DNAH2: variants seen among roughly 807,000 people sequenced by gnomAD.
The protein encoded by DNAH2 is axonemal beta dynein heavy chain 2.
Under a neutral mutation model 523.5 loss-of-function variants are expected in DNAH2, and 323 were observed. That is an observed-to-expected ratio of 0.62 (90% CI 0.56 to 0.68). DNAH2 has a LOEUF of 0.68. DNAH2 is among the 30% of genes least tolerant of loss of function. The pLI is 0.00. For synonymous variants in DNAH2, 2,093 were observed against 2,177.4 expected (o/e 0.96, Z 1.08); for missense variants, 4,907 against 5,701.5 (o/e 0.86, Z 4.49).
intron 28 of DNAH2, among the ~76,000 whole-genome samples, chr17:7,772,847 C>G (rs2076354976): frequency 6.6e-6 from 1 of 152,190 alleles, no homozygotes; most frequent in Non-Finnish European, 1.5e-5. Flanking sequence ...GATCTAAGGT[C>G]ACCACAACCT....
chr17:7,797,361 T>G, intron 51 of DNAH2, 39 bp from the exon 52 acceptor site: 1 of 1,613,846 alleles, frequency 6.2e-7, no homozygotes, highest in Non-Finnish European at 8.5e-7. Context: ...GCCATTCTCC[T>G]CTTTATTCCC....
chr17:7,807,187 T>C lies in DNAH2; in HGVS notation c.9480T>C (p.Asp3160=). 6.2e-7 allele frequency: 1 copy of C among 1,611,364 alleles called. No individual in the cohort carries two copies. Among genetic ancestry groups the C allele is most frequent in the Non-Finnish European group, 8.5e-7 (1 of 1,180,008 alleles). The change falls in exon 62 of 86, where the codon GAT becomes GAC. Residue 3160 remains aspartate (D), a synonymous_variant. Transcript: ENST00000572933. This position sits in a 1 kb window ranked among gnomAD's most constrained non-coding sequence, Gnocchi z 5.6. The part of the protein sequence containing the change: ...QNFIKSLINF[D]KDNISDKVLK... ...TCATCAAGTCACTGATCAACTTTGA[T>C]AAAGACAATATCTCAGATAAGGTTC...
chr17:7,827,455 G>A (rs1354509283), intron 77 of DNAH2, among the ~76,000 whole-genome samples: 2 of 151,988 alleles, frequency 1.3e-5, no homozygotes, highest in Non-Finnish European at 2.9e-5. Flanking sequence ...GTTTTGTTTT[G>A]CTTTTTTTGA....
At position 7,734,284 on chromosome 17, in the gene DNAH2, C is replaced by T. The variant is rs370337265; in HGVS notation, c.730C>T (p.Arg244Trp). 2.4e-5 allele frequency: 39 copies of T among 1,607,056 alleles called. No homozygotes were observed. In the African/African-American group the frequency reaches 2.5e-4, roughly 10 times the overall value. ...GATAAAGGACAAAGAGCTGGTGCAA[C>T]GGCTAGAGAGTGAGTGGCTGGCACT... ...MVIKDKELVQ[R>W]LETSMIHWTR... Residue 244 changes from arginine (R) to tryptophan (W), a missense_variant, in exon 6 of 86, where the codon CGG (arginine) becomes TGG (tryptophan). Physicochemically the swap from Arg to Trp is moderately radical, Grantham distance 101. Around this residue, in one of 3 missense-constraint regions of DNAH2, gnomAD observed 2,806 missense variants for 3,190.8 expected, o/e 0.88. Coordinates refer to ENST00000572933, the MANE Select transcript of DNAH2 (RefSeq NM_020877.5).
At chr17:7,829,812 G>T (rs1237916232) in intron 77 of DNAH2, among the ~76,000 whole-genome samples, 1 of 151,686 alleles carries the variant, frequency 6.6e-6, no homozygotes, top group Non-Finnish European at 1.5e-5. Flanking sequence ...ATTGCTTGAG[G>T]TCACGAGTTT....
At chr17:7,740,703 C>T in intron 10 of DNAH2, 107 bp from the exon 11 acceptor site, 3 of 1,532,800 alleles carry the variant, frequency 2.0e-6, no homozygotes, top group Non-Finnish European at 2.6e-6. Flanking sequence ...TTCGGCGTCC[C>T]CGGGAGTGTG....
intron 63 of DNAH2, among the ~76,000 whole-genome samples, chr17:7,812,040 CA>C (rs1036129214): frequency 6.6e-6 from 1 of 152,134 alleles, no homozygotes; most frequent in African/African-American, 2.4e-5. Context: ...TTACCATTGC[CA>C]AAGACCGTAG....
At chr17:7,740,669 CTT>C (rs2075286216) in intron 10 of DNAH2, 120 bp downstream of exon 10, 2 of 1,538,364 alleles carry the variant, frequency 1.3e-6, no homozygotes, top group Non-Finnish European at 1.7e-6. Context: ...TCGGGCGCCT[CTT>C]GTCTTTCTTC....
chr17:7,751,920 G>GGGGTGTGT (rs111751776), intron 12 of DNAH2, among the ~76,000 whole-genome samples: 15,518 of 145,814 alleles, frequency 0.11, 964 homozygotes, highest in Middle Eastern at 0.16. Context: ...ATAGTTGTGG[G>GGGGTGTGT]GTGTGTGTGT....
At chr17:7,737,304 CG>C in intron 8 of DNAH2, 46 bp downstream of exon 8, 3 of 1,586,404 alleles carry the variant, frequency 1.9e-6, no homozygotes, top group Non-Finnish European at 2.6e-6. Context: ...TGAGGGTGGC[CG>C]GGTTTTCTGA....
At chr17:7,808,888 G>A (rs1347199612) in intron 63 of DNAH2, among the ~76,000 whole-genome samples, 1 of 152,214 alleles carries the variant, frequency 6.6e-6, no homozygotes, top group Non-Finnish European at 1.5e-5. Flanking sequence ...GGGATTACAG[G>A]CATGAGCCAC....
chr17:7,820,426 G>T (rs1486876000), intron 72 of DNAH2, among the ~76,000 whole-genome samples: 1 of 152,162 alleles, frequency 6.6e-6, no homozygotes, highest in Non-Finnish European at 1.5e-5. Context: ...GCCTTCTCCT[G>T]CCTCAGCCTC....
At chr17:7,719,127 CT>C (rs34833123) in intron 1 of DNAH2, among the ~76,000 whole-genome samples, 21,694 of 135,752 alleles carry the variant, frequency 0.16, 1,696 homozygotes, top group Middle Eastern at 0.24. Context: ...GTCTGGCCAT[CT>C]TTTTTTTTTT....
rs764839417 is a variant in DNAH2, at chr17:7,832,573, C to T, written c.12727-6C>T. On this transcript the variant is annotated splice_polypyrimidine_tract_variant and splice_region_variant and intron_variant, in intron 82 of 85. Transcript: ENST00000572933. This position sits in a 1 kb window ranked among gnomAD's most constrained non-coding sequence, Gnocchi z 4.3. ...ATGAGTGAATACACACGCACTCCTT[C>T]CCCAGGCATACCCCTCACAAAAGCC... is the stretch of plus-strand genomic sequence containing the variant. 1.2e-6 allele frequency: 2 copies of T among 1,613,416 alleles called. No homozygotes were observed. The highest frequency in any genetic ancestry group is 1.1e-5 in the South Asian group (1 of 90,986).
Position 7,819,280 on chromosome 17 carries a change from C to A in DNAH2, c.10887C>A (p.Pro3629=). ...FVLNDMGCID[P]MYQFSLDAYI... ...TCAATGATATGGGCTGCATCGACCC[C>A]ATGTACCAGTTCTCACTGGATGCCT... The change falls in exon 72 of 86, where the codon CCC becomes CCA. Residue 3629 remains proline (P), a synonymous_variant. Transcript: ENST00000572933. The A allele has an allele frequency of 6.2e-7, 1 of 1,614,206 alleles. No homozygotes were observed. Among genetic ancestry groups the A allele is most frequent in the Non-Finnish European group, 8.5e-7 (1 of 1,180,046 alleles).
Position 7,804,950 on chromosome 17 carries a change from ATC to A in DNAH2, c.9184-7_9184-6del. ...GACAAAAAACCCTTGTCCTTTTTTC[ATC>A]CCTAGGCCGTAACAGCCAACAGTGA... On this transcript the variant is annotated splice_polypyrimidine_tract_variant and splice_region_variant and intron_variant, in intron 59 of 85. Transcript: ENST00000572933. 6.2e-7 allele frequency: 1 copy of A among 1,609,920 alleles called. No homozygotes were observed. The highest frequency in any genetic ancestry group is 1.3e-5 in the African/African-American group (1 of 74,676).
intron 12 of DNAH2, among the ~76,000 whole-genome samples, chr17:7,751,527 T>C (rs762321866): frequency 1.1e-4 from 17 of 152,216 alleles, no homozygotes; most frequent in South Asian, 2.1e-4. Context: ...CAGATTCAAA[T>C]TGAGTTTTGT....
chr17:7,734,159 T>G (rs1190741146), intron 5 of DNAH2, 24 bp from the exon 6 acceptor site: 1 of 1,562,712 alleles, frequency 6.4e-7, no homozygotes, highest in East Asian at 2.4e-5. Context: ...CTCTGTCCAC[T>G]TCCACAAACT....
chr17:7,753,202 G>A lies in DNAH2; in HGVS notation c.1905-3889G>A, dbSNP rs552013194. Among the ~76,000 whole-genome samples the A allele has an allele frequency of 1.6e-4, 24 of 152,290 alleles. 1 individual carries two copies. In the South Asian group the frequency reaches 5.0e-3, roughly 32 times the overall value. Reference sequence around the variant, plus strand: ...TGCATGGTTCTGGTGTAGGCGGTGGGATAGTACCCTTCCCTGAGGCAGGAG... The same window carrying A: ...TGCATGGTTCTGGTGTAGGCGGTGGAATAGTACCCTTCCCTGAGGCAGGAG... On this transcript the variant is annotated intron_variant, in intron 12 of 85. Coordinates refer to ENST00000572933, the MANE Select transcript of DNAH2 (RefSeq NM_020877.5).
Sources: gnomAD v4.1 joint callset for allele counts (sites outside exome capture counted in the v4.1 genomes callset) on GRCh38, gnomAD v4.1.1 for gene constraint, gnomAD v4.1.1 regional missense constraint, Gnocchi (gnomAD v3.1) non-coding constraint, MANE v1.5 for transcripts, NCBI Gene and HGNC (gene_info 2026-07-23, HGNC 2026-07-21) for gene names.